Variants in STOX1 observed in about 807,000 individuals in gnomAD.
The protein encoded by STOX1 is storkhead-box protein 1.
STOX1 carries 57 observed loss-of-function variants against 74.8 expected under a neutral mutation model. That is an observed-to-expected ratio of 0.76 (90% CI 0.62 to 0.95). STOX1 has a LOEUF of 0.95. STOX1 is among the 40% of genes least tolerant of loss of function. The probability of loss-of-function intolerance (pLI) is 0.00; values close to 1 mark genes in which losing one functional copy is unlikely to be tolerated. For missense variants in STOX1, 1,010 were observed against 1,117.0 expected, an observed-to-expected ratio of 0.90 and a Z score of 1.37; for synonymous variants, 375 against 401.3, an observed-to-expected ratio of 0.93 and a Z score of 0.78.
chr10:68,863,887 T>G (rs1182276638), intron 1 of STOX1, among the ~76,000 whole-genome samples: 2 of 151,674 alleles, frequency 1.3e-5, no homozygotes, highest in African/African-American at 4.9e-5. Context: ...TTAAAAGCAG[T>G]CAATACCTCT....
rs1836315170 is a variant in STOX1, at chr10:68,835,280, G to A, written c.310+7347G>A. 1.3e-5 allele frequency among the ~76,000 whole-genome samples: 2 copies of A among 150,482 alleles called. 1 individual carries two copies. The highest frequency in any genetic ancestry group is 4.2e-4 in the South Asian group (2 of 4,718). On this transcript the variant is annotated intron_variant, in intron 1 of 3. Coordinates refer to ENST00000298596, the MANE Select transcript of STOX1 (RefSeq NM_152709.5). ...TGGTCTCAAACTCCTGACCTCAAGT[G>A]ATCTGCCCGCCTCGGCCTCCCAAAG...
At chr10:68,847,488 C>G (rs995212306) in intron 1 of STOX1, among the ~76,000 whole-genome samples, 1 of 151,230 alleles carries the variant, frequency 6.6e-6, no homozygotes, top group African/African-American at 2.5e-5. Flanking sequence ...CAGCTCGTTG[C>G]AACCTCCGCC....
intron 1 of STOX1, among the ~76,000 whole-genome samples, chr10:68,835,249 C>T (rs1196683894): frequency 6.6e-6 from 1 of 151,706 alleles, no homozygotes; most frequent in Non-Finnish European, 1.5e-5. Flanking sequence ...ACCATGTTGG[C>T]CAGGCTGGTC....
At chr10:68,844,595 C>T (rs1047277765) in intron 1 of STOX1, among the ~76,000 whole-genome samples, 8 of 152,026 alleles carry the variant, frequency 5.3e-5, no homozygotes, top group South Asian at 4.1e-4. Flanking sequence ...CACCATGCCT[C>T]GCCTGTATCT....
rs748124865 is a variant in STOX1, at chr10:68,892,694, A to C, written c.2928A>C (p.Thr976=). ...VEGTKSSQPL[T]SNSLLPLTPV... The stretch of plus-strand genomic sequence containing the variant: ...GCACAAAGAGCAGTCAACCACTCAC[A>C]TCTAATTCCTTACTACCGCTAACTC... Residue 976 remains threonine (T), a synonymous_variant, in exon 4 of 4, where the codon ACA becomes ACC. Coordinates refer to ENST00000298596, the MANE Select transcript of STOX1 (RefSeq NM_152709.5). The C allele has an allele frequency of 6.2e-7, 1 of 1,614,026 alleles. No homozygotes were observed. Among genetic ancestry groups the C allele is most frequent in the South Asian group, 1.1e-5 (1 of 91,080 alleles).
chr10:68,866,090 T>C (rs539674723), intron 1 of STOX1, among the ~76,000 whole-genome samples: 3 of 152,070 alleles, frequency 2.0e-5, no homozygotes, highest in Non-Finnish European at 4.4e-5. Flanking sequence ...TAGATTGACT[T>C]TGAGGGCTGT....
chr10:68,886,144 A>C lies in STOX1; in HGVS notation c.2348A>C (p.Asn783Thr). 6.2e-7 allele frequency: 1 copy of C among 1,614,230 alleles called. No individual in the cohort carries two copies. Among genetic ancestry groups the C allele is most frequent in the African/African-American group, 1.3e-5 (1 of 75,064 alleles). The stretch of plus-strand genomic sequence containing the variant: ...ATTGAGAGATCTCTGACCGAGTACA[A>C]CAGCACAATGGAGAGGGTTGAGTCT... ...KVIERSLTEYNSTMERVESQV... is the reference protein window; with the variant it reads ...KVIERSLTEYTSTMERVESQV... The change falls in exon 3 of 4, where the codon AAC becomes ACC. Residue 783 changes from asparagine to threonine, a missense_variant. Transcript: ENST00000298596.
At chr10:68,883,917 T>C (rs1176738355) in intron 2 of STOX1, among the ~76,000 whole-genome samples, 1 of 151,902 alleles carries the variant, frequency 6.6e-6, no homozygotes, top group Non-Finnish European at 1.5e-5. Context: ...AGAGATGAAG[T>C]CTTGCTATGT....
chr10:68,860,274 G>A (rs1314371248), intron 1 of STOX1, among the ~76,000 whole-genome samples: 1 of 149,550 alleles, frequency 6.7e-6, no homozygotes, highest in Non-Finnish European at 1.5e-5. Flanking sequence ...TCTCGGTGGG[G>A]GAAAGAGTCT....
chr10:68,842,929 GTC>G (rs1473502312), intron 1 of STOX1, among the ~76,000 whole-genome samples: 1 of 152,198 alleles, frequency 6.6e-6, no homozygotes, highest in Non-Finnish European at 1.5e-5. Flanking sequence ...GACTCCCCGA[GTC>G]TAAAGCCATC....
At chr10:68,888,092 C>G (rs769413724) in intron 3 of STOX1, among the ~76,000 whole-genome samples, 3 of 151,898 alleles carry the variant, frequency 2.0e-5, no homozygotes, top group Non-Finnish European at 4.4e-5. Context: ...CACGCACACA[C>G]ACGCGCACAC....
intron 1 of STOX1, among the ~76,000 whole-genome samples, chr10:68,864,400 G>A (rs754586226): frequency 6.6e-6 from 1 of 152,174 alleles, no homozygotes; most frequent in East Asian, 1.9e-4. Context: ...AAACAGTTTT[G>A]TGTTAGGAAA....
chr10:68,885,910 C>G lies in STOX1; in HGVS notation c.2114C>G (p.Thr705Ser), dbSNP rs749320048. ...LRKGFVQDAE[T>S]TSLENEQLSN... Reference sequence around the variant, plus strand: ...AAAGGATTTGTCCAGGATGCAGAGACTACAAGCCTAGAAAATGAACAGCTT... The same window carrying G: ...AAAGGATTTGTCCAGGATGCAGAGAGTACAAGCCTAGAAAATGAACAGCTT... The change falls in exon 3 of 4, where the codon ACT (threonine) becomes AGT (serine). Residue 705 changes from threonine (T) to serine (S), a missense_variant. Physicochemically the swap from Thr to Ser is moderately conservative, Grantham distance 58 (BLOSUM62 1). Coordinates refer to ENST00000298596, the MANE Select transcript of STOX1 (RefSeq NM_152709.5). 106 of 1,614,046 alleles carry G rather than the reference C, an allele frequency of 6.6e-5. No individual in the cohort carries two copies. The highest frequency in any genetic ancestry group is 8.4e-5 in the Non-Finnish European group (99 of 1,180,040).
At chr10:68,857,340 A>T (rs1346680109) in intron 1 of STOX1, among the ~76,000 whole-genome samples, 1 of 151,980 alleles carries the variant, frequency 6.6e-6, no homozygotes, top group African/African-American at 2.4e-5. Context: ...TCCCCTCCTG[A>T]AAGGAGGGAG....
intron 1 of STOX1, among the ~76,000 whole-genome samples, chr10:68,857,258 C>T (rs1374429991): frequency 6.6e-6 from 1 of 152,084 alleles, no homozygotes; most frequent in Non-Finnish European, 1.5e-5. Context: ...TGGTCAGACA[C>T]TTCATAGGTG....
At chr10:68,857,555 C>G (rs530682149) in intron 1 of STOX1, among the ~76,000 whole-genome samples, 17 of 152,222 alleles carry the variant, frequency 1.1e-4, no homozygotes, top group African/African-American at 4.1e-4. Flanking sequence ...TGGAGTCTCT[C>G]ACTATACAGT....
intron 1 of STOX1, among the ~76,000 whole-genome samples, chr10:68,874,013 C>CTGTTTTTTTTTTTTTT (rs1840614310): frequency 3.9e-5 from 1 of 25,752 alleles, no homozygotes; most frequent in Non-Finnish European, 6.1e-5. Flanking sequence ...GCTAGGTAGC[C>CTGTTTTTTTTTTTTTT]TTTTTTTTTT....
At chr10:68,860,428 C>CT in intron 1 of STOX1, among the ~76,000 whole-genome samples, 1 of 150,778 alleles carries the variant, frequency 6.6e-6, no homozygotes, top group Non-Finnish European at 1.5e-5. Flanking sequence ...AAAAAATTAG[C>CT]CAGGCATGGC....
chr10:68,846,772 A>G (rs1320380240), intron 1 of STOX1: 2 of 152,190 alleles, frequency 1.3e-5, no homozygotes, highest in Non-Finnish European at 2.9e-5. Context: ...TTCTAAAAAA[A>G]ATTCTGCTTA....
Sources: gnomAD v4.1 joint callset for allele counts (sites outside exome capture counted in the v4.1 genomes callset) on GRCh38, gnomAD v4.1.1 for gene constraint, MANE v1.5 for transcripts, NCBI Gene and HGNC (gene_info 2026-07-23, HGNC 2026-07-21) for gene names.